Variants in LBR observed in about 807,000 individuals in gnomAD.
LBR encodes the protein lamin B receptor.
Under a neutral mutation model 74.3 loss-of-function variants are expected in LBR, and 28 were observed. The observed-to-expected ratio is 0.38, with a 90% confidence interval of 0.28 to 0.52. The LOEUF (loss-of-function observed/expected upper bound fraction) is 0.52, where lower values mean the gene tolerates loss of function less well. Among genes scored for constraint, LBR ranks in the 20% least tolerant of loss-of-function variants. LBR has a pLI of 0.89. For synonymous variants in LBR, 228 were observed against 269.3 expected (o/e 0.85, Z 1.50); for missense variants, 717 against 760.3 (o/e 0.94, Z 0.67).
Position 225,403,390 on chromosome 1 carries a change from G to A in LBR, c.1761C>T (p.Asp587=), listed in dbSNP as rs149534786. 1.8e-4 allele frequency: 292 copies of A among 1,613,262 alleles called. No homozygotes were observed. The highest frequency in any genetic ancestry group is 2.4e-4 in the Non-Finnish European group (283 of 1,179,620). ...TMLLVHREAR[D]EYHCKKKYGV... The stretch of plus-strand genomic sequence containing the variant: ...CGTATTTCTTCTTACAGTGGTACTC[G>A]TCACGAGCTTCTCGGTGGACAAGCA... The change falls in exon 14 of 14, where the codon GAC becomes GAT. Residue 587 remains aspartate (D), a synonymous_variant. Coordinates refer to ENST00000272163, the MANE Select transcript of LBR (RefSeq NM_002296.4).
At position 225,414,159 on chromosome 1, in the gene LBR, A is replaced by G. The variant is rs150726055; in HGVS notation, c.892+1119T>C. On this transcript the variant is annotated intron_variant, in intron 7 of 13. Coordinates refer to ENST00000272163, the MANE Select transcript of LBR (RefSeq NM_002296.4). ...AACAAAAAGTCTAACAATACCAATG[A>G]TAAGTATTAAGCACCCACCAGGGGT... 97 of 456,704 alleles carry G rather than the reference A, an allele frequency of 2.1e-4. 1 individual carries two copies. The East Asian group carries it at 5.0e-3, about 24-fold the overall frequency. The allele number at this position is 456,704 out of a possible 1,614,324, so 28.3% of individuals were successfully genotyped here. A position where few individuals can be genotyped will look rare whatever the true frequency, so the allele number is the denominator to read the frequency against.
chr1:225,401,639 CTT>C lies in LBR; in HGVS notation c.*1662_*1663del, dbSNP rs2096082124. 1 of 152,192 alleles carries C rather than the reference CTT, an allele frequency of 6.6e-6. No individual in the cohort carries two copies. The highest frequency in any genetic ancestry group is 6.5e-5 in the Admixed American group (1 of 15,272). 9.4% of individuals were successfully genotyped at this position (152,192 alleles called of 1,614,324 possible). A position where few individuals can be genotyped will look rare whatever the true frequency, so the allele number is the denominator to read the frequency against. On this transcript the variant is annotated 3_prime_UTR_variant, in exon 14 of 14. Coordinates refer to ENST00000272163, the MANE Select transcript of LBR (RefSeq NM_002296.4). ...TGCAGCACTGTATTGATAAAGGGCT[CTT>C]TTCATTACCAGGGAAAGAATTTAAT...
intron 3 of LBR, among the ~76,000 whole-genome samples, 170 bp downstream of exon 3, chr1:225,421,907 G>C (rs1440950408): frequency 6.6e-6 from 1 of 152,128 alleles, no homozygotes; most frequent in African/African-American, 2.4e-5. Context: ...CTTTTCCATT[G>C]ATATTTAAAA....
chr1:225,424,368 G>A (rs913500537), intron 1 of LBR, among the ~76,000 whole-genome samples: 28 of 152,092 alleles, frequency 1.8e-4, no homozygotes, highest in African/African-American at 4.1e-4. Context: ...CACAGTTCTC[G>A]CTAATCAAAA....
rs2096083590 is a variant in LBR, at chr1:225,402,528, T to C, written c.*775A>G. The C allele has an allele frequency of 6.6e-6, 1 of 152,604 alleles. No individual in the cohort carries two copies. Among genetic ancestry groups the C allele is most frequent in the Non-Finnish European group, 1.5e-5 (1 of 68,020 alleles). 9.5% of individuals were successfully genotyped at this position (152,604 alleles called of 1,614,324 possible). A position where few individuals can be genotyped will look rare whatever the true frequency, so the allele number is the denominator to read the frequency against. ...ATCTTCTATACAATAGTGAATGAAT[T>C]CTAATTGTTCCAAAATTTTTAATTC... is the stretch of plus-strand genomic sequence containing the variant. On this transcript the variant is annotated 3_prime_UTR_variant, in exon 14 of 14. Coordinates refer to ENST00000272163, the MANE Select transcript of LBR (RefSeq NM_002296.4).
intron 8 of LBR, among the ~76,000 whole-genome samples, chr1:225,411,847 T>C (rs538255749): frequency 2.6e-5 from 4 of 152,378 alleles, no homozygotes; most frequent in African/African-American, 9.6e-5. Context: ...CCTCGCTCTG[T>C]GGCCCAGGCT....
intron 2 of LBR, among the ~76,000 whole-genome samples, chr1:225,423,480 C>T (rs187581251): frequency 1.1e-3 from 171 of 152,226 alleles, no homozygotes; most frequent in African/African-American, 3.8e-3. Flanking sequence ...GACTGTGTCC[C>T]CCAGACCCCT....
At chr1:225,408,700 T>C (rs56333239) in intron 10 of LBR, among the ~76,000 whole-genome samples, 1,831 of 152,376 alleles carry the variant, frequency 0.012, 36 homozygotes, top group African/African-American at 0.041. Context: ...TATTATCATC[T>C]GGCTGAGATA....
At chr1:225,410,180 G>GA in intron 10 of LBR, 111 bp downstream of exon 10, 1 of 1,531,316 alleles carries the variant, frequency 6.5e-7, no homozygotes, top group South Asian at 1.1e-5. Flanking sequence ...AGCAGCCTTG[G>GA]AGGCAGGCCA....
chr1:225,403,825 C>T (rs2096085929), intron 13 of LBR, among the ~76,000 whole-genome samples: 1 of 151,992 alleles, frequency 6.6e-6, no homozygotes, highest in South Asian at 2.1e-4. Flanking sequence ...CACGGGCCAG[C>T]TCCTCCACCT....
At chr1:225,409,298 T>C (rs1203487726) in intron 10 of LBR, among the ~76,000 whole-genome samples, 1 of 152,190 alleles carries the variant, frequency 6.6e-6, no homozygotes, top group Non-Finnish European at 1.5e-5. Flanking sequence ...TACCTCAAAG[T>C]GGCCCTAATC....
chr1:225,426,094 A>G (rs1231855514), intron 1 of LBR, among the ~76,000 whole-genome samples: 1 of 152,250 alleles, frequency 6.6e-6, no homozygotes, highest in Admixed American at 6.5e-5. Flanking sequence ...TTTTAAAAGA[A>G]GAATTAAGAT....
rs370326566 is a variant in LBR, at chr1:225,412,419, C to T, written c.1084+35G>A. ...AAATGGCTGCTGGAGGGCTCTGGGA[C>T]GCATTCATCCAACATGCAATTCATC... On this transcript the variant is annotated intron_variant, in intron 8 of 13. Transcript: ENST00000272163. 146 of 1,593,418 alleles carry T rather than the reference C, an allele frequency of 9.2e-5. 1 individual carries two copies. The highest frequency in any genetic ancestry group is 4.6e-4 in the South Asian group (42 of 90,652).
chr1:225,410,508 C>T (rs2096102636), intron 9 of LBR, 92 bp from the exon 10 acceptor site: 1 of 1,387,148 alleles, frequency 7.2e-7, no homozygotes, highest in East Asian at 2.3e-5. Context: ...AGCTGAGACA[C>T]CTGGCAGACG....
At chr1:225,405,425 C>T (rs917826388) in intron 11 of LBR, among the ~76,000 whole-genome samples, 1 of 152,148 alleles carries the variant, frequency 6.6e-6, no homozygotes, top group Non-Finnish European at 1.5e-5. Flanking sequence ...GAGGTAGCAC[C>T]TTTAAGAGAT....
chr1:225,419,272 C>T lies in LBR; in HGVS notation c.631G>A (p.Gly211Arg). 6.2e-7 allele frequency: 1 copy of T among 1,614,214 alleles called. No homozygotes were observed. Among genetic ancestry groups the T allele is most frequent in the South Asian group, 1.1e-5 (1 of 91,084 alleles). ...PIRAKDLEFG[G>R]VPGVFLIMFG... ...CAGCTCTGAGGCCTACCAGGTACTCCTCCAAACTCCAAGTCCTTTGCCCGG... is the reference window on the plus strand; with the variant it reads ...CAGCTCTGAGGCCTACCAGGTACTCTTCCAAACTCCAAGTCCTTTGCCCGG... The change falls in exon 5 of 14, where the codon GGA becomes AGA. Residue 211 changes from glycine (G) to arginine (R), a missense_variant. Transcript: ENST00000272163.
upstream of LBR, among the ~76,000 whole-genome samples, chr1:225,428,509 C>T (rs1300040151): frequency 6.6e-6 from 1 of 152,200 alleles, no homozygotes; most frequent in Admixed American, 6.5e-5. Context: ...AAGCGTTTCT[C>T]GGTAAAACAC....
chr1:225,410,295 T>C lies in LBR; in HGVS notation c.1310A>G (p.Asn437Ser), dbSNP rs1301532168. Reference protein sequence around the residue: ...QLLYVVDALWNEEALLTTMDI... With the variant: ...QLLYVVDALWSEEALLTTMDI... ...TCGGCTCTTAAAATTAATTACCTCATTCCAGAGAGCATCCACCACATAGAG... is the reference window on the plus strand; with the variant it reads ...TCGGCTCTTAAAATTAATTACCTCACTCCAGAGAGCATCCACCACATAGAG... The change falls in exon 10 of 14, where the codon AAT becomes AGT. Residue 437 changes from asparagine to serine, a missense_variant. Physicochemically the swap from Asn to Ser is conservative, Grantham distance 46. Coordinates refer to ENST00000272163, the MANE Select transcript of LBR (RefSeq NM_002296.4). The C allele has an allele frequency of 1.9e-6, 3 of 1,613,906 alleles. No homozygotes were observed. The highest frequency in any genetic ancestry group is 2.5e-6 in the Non-Finnish European group (3 of 1,179,988).
rs114753357 is a variant in LBR, at chr1:225,408,783, C to T, written c.1314+1508G>A. Among the ~76,000 whole-genome samples the T allele has an allele frequency of 7.0e-3, 1,062 of 152,318 alleles. 22 individuals carry two copies. The highest frequency in any genetic ancestry group is 5.7e-3 in the Non-Finnish European group (391 of 68,026). On this transcript the variant is annotated intron_variant, in intron 10 of 13. Coordinates refer to ENST00000272163, the MANE Select transcript of LBR (RefSeq NM_002296.4). ...GGGGCTATGTTAATATTGCATTAAG[C>T]GTTTTGCCTTAAGATGCAAAAAATT...
Sources: gnomAD v4.1 joint callset for allele counts (sites outside exome capture counted in the v4.1 genomes callset) on GRCh38, gnomAD v4.1.1 for gene constraint, MANE v1.5 for transcripts, NCBI Gene and HGNC (gene_info 2026-07-23, HGNC 2026-07-21) for gene names.